The following IQGAP2 variants were observed in gnomAD, a reference collection of about 807,000 sequenced individuals.
IQGAP2 encodes the protein ras GTPase-activating-like protein IQGAP2.
In IQGAP2, 173 loss-of-function variants were observed where a neutral mutation model predicts 201.3. The observed-to-expected ratio is 0.86, with a 90% confidence interval of 0.76 to 0.98. The LOEUF is 0.98. IQGAP2 is among the 50% of genes least tolerant of loss of function. The pLI is 0.00. For synonymous variants in IQGAP2, 675 were observed against 673.9 expected (o/e 1.00, Z -0.03); for missense variants, 1,687 against 1,864.8 (o/e 0.90, Z 1.76).
chr5:76,649,447 A>G (rs1752339756), intron 17 of IQGAP2, among the ~76,000 whole-genome samples: 3 of 152,262 alleles, frequency 2.0e-5, no homozygotes. Flanking sequence ...AACCAAAAGG[A>G]AATGAAGAAA....
chr5:76,683,351 A>G (rs1745471012), intron 29 of IQGAP2, 134 bp downstream of exon 29: 3 of 587,430 alleles, frequency 5.1e-6, no homozygotes, highest in Non-Finnish European at 9.1e-6. Flanking sequence ...TTTAAAGAAT[A>G]ACAACTACAC....
chr5:76,550,619 G>T (rs1438191222), intron 2 of IQGAP2, among the ~76,000 whole-genome samples: 1 of 152,106 alleles, frequency 6.6e-6, no homozygotes, highest in Admixed American at 6.6e-5. Flanking sequence ...CCCTTAATCC[G>T]TTTAACTCTG....
chr5:76,404,432 C>T lies in IQGAP2; in HGVS notation c.46+841C>T, dbSNP rs1040752327. 5 of 983,526 alleles carry T rather than the reference C, an allele frequency of 5.1e-6. No homozygotes were observed. In the African/African-American group the frequency reaches 7.0e-5, roughly 14 times the overall value. 60.9% of individuals were successfully genotyped at this position (983,526 alleles called of 1,614,324 possible). A position where few individuals can be genotyped will look rare whatever the true frequency, so the allele number is the denominator to read the frequency against. On this transcript the variant is annotated intron_variant, in intron 1 of 35. Coordinates refer to ENST00000274364, the MANE Select transcript of IQGAP2 (RefSeq NM_006633.5). ...CAGGAAGCATTTCCTTTAAAACAAA[C>T]AGAAAGTTGGCCTGCTGTCTCTCCA...
chr5:76,597,376 G>C (rs1270033319), intron 9 of IQGAP2, 63 bp from the exon 10 acceptor site: 5 of 1,539,966 alleles, frequency 3.2e-6, no homozygotes. Context: ...AAGAAGGGCT[G>C]GTTGGGTGAG....
intron 28 of IQGAP2, among the ~76,000 whole-genome samples, chr5:76,678,105 G>A (rs891183836): frequency 1.3e-5 from 2 of 152,118 alleles, no homozygotes; most frequent in Admixed American, 6.6e-5. Flanking sequence ...TTTTCTGGGG[G>A]AAATGAGAAT....
At chr5:76,533,152 T>G (rs533246861) in intron 2 of IQGAP2, among the ~76,000 whole-genome samples, 20 of 152,246 alleles carry the variant, frequency 1.3e-4, no homozygotes, top group African/African-American at 4.8e-4. Context: ...ATCTCCTTTT[T>G]GAAGGGCAGA....
chr5:76,590,157 G>C (rs1458890021), intron 7 of IQGAP2, among the ~76,000 whole-genome samples: 1 of 152,224 alleles, frequency 6.6e-6, no homozygotes, highest in Non-Finnish European at 1.5e-5. Context: ...CATAGGGCTT[G>C]CTTCATTTTA....
intron 1 of IQGAP2, among the ~76,000 whole-genome samples, chr5:76,407,812 A>G (rs1480651846): frequency 2.6e-5 from 4 of 152,100 alleles, no homozygotes; most frequent in African/African-American, 9.7e-5. Context: ...CTACCCTCTT[A>G]CTACACAAGC....
At chr5:76,665,207 G>A in intron 22 of IQGAP2, 32 bp downstream of exon 22, 1 of 1,589,668 alleles carries the variant, frequency 6.3e-7, no homozygotes, top group South Asian at 1.1e-5. Context: ...CTCTGAGTTT[G>A]GGAGTAATAC....
rs771128027 is a variant in IQGAP2 at position 76,562,508 on chromosome 5, G to C, written c.259G>C (p.Val87Leu). Residue 87 changes from valine (V) to leucine (L), a missense_variant, in exon 3 of 36, where the codon GTA becomes CTA. Val to Leu is a conservative substitution (Grantham distance 32, BLOSUM62 1). Coordinates refer to ENST00000274364, the MANE Select transcript of IQGAP2 (RefSeq NM_006633.5). ...AGCCAAGTTCTTTGCCCCGAAAATGGTATCAGAGAAAAAGATCTATGATGT... is the reference window on the plus strand; with the variant it reads ...AGCCAAGTTCTTTGCCCCGAAAATGCTATCAGAGAAAAAGATCTATGATGT... ...KLAKFFAPKMVSEKKIYDVEQ... is the reference protein window; with the variant it reads ...KLAKFFAPKMLSEKKIYDVEQ... The C allele has an allele frequency of 1.9e-6, 3 of 1,613,972 alleles. No individual in the cohort carries two copies. The highest frequency in any genetic ancestry group is 8.5e-7 in the Non-Finnish European group (1 of 1,179,906).
chr5:76,440,808 C>T (rs1036955272), intron 1 of IQGAP2, among the ~76,000 whole-genome samples: 1 of 151,824 alleles, frequency 6.6e-6, no homozygotes, highest in Non-Finnish European at 1.5e-5. Context: ...CTGAGGCGGA[C>T]GGATCATGAA....
chr5:76,537,204 G>A (rs1161182815), intron 2 of IQGAP2, among the ~76,000 whole-genome samples: 1 of 152,214 alleles, frequency 6.6e-6, no homozygotes, highest in Non-Finnish European at 1.5e-5. Context: ...GCCAATGGAA[G>A]TTGACTTTGA....
At chr5:76,561,549 C>T (rs141241809) in intron 2 of IQGAP2, among the ~76,000 whole-genome samples, 2 of 152,260 alleles carry the variant, frequency 1.3e-5, no homozygotes, top group East Asian at 1.9e-4. Context: ...TGGGGGCTCC[C>T]TGCTGAGAAC....
rs111510879 is a variant in IQGAP2, at chr5:76,688,324, G to T, written c.3905+4407G>T. Among the ~76,000 whole-genome samples the T allele has an allele frequency of 2.8e-3, 421 of 152,292 alleles. 1 individual carries two copies. The highest frequency in any genetic ancestry group is 9.7e-3 in the African/African-American group (402 of 41,546). On this transcript the variant is annotated intron_variant, in intron 30 of 35. Transcript: ENST00000274364. The stretch of plus-strand genomic sequence containing the variant: ...AAATGCCCTTATGTTTAATTACAAT[G>T]TCACTAGTTTTCCAGTCATGAGTAA...
chr5:76,610,510 G>A (rs893824509), intron 12 of IQGAP2, among the ~76,000 whole-genome samples: 2 of 151,576 alleles, frequency 1.3e-5, no homozygotes, highest in African/African-American at 4.8e-5. Context: ...GGAGGTGGCA[G>A]TGAGCCAAGA....
chr5:76,543,679 T>G (rs888531340), intron 2 of IQGAP2, among the ~76,000 whole-genome samples: 1 of 152,266 alleles, frequency 6.6e-6, no homozygotes, highest in Admixed American at 6.5e-5. Context: ...TTTTCCTGAC[T>G]GGGCATAGTA....
chr5:76,524,941 C>T (rs1758883933), intron 2 of IQGAP2, among the ~76,000 whole-genome samples: 1 of 152,200 alleles, frequency 6.6e-6, no homozygotes, highest in South Asian at 2.1e-4. Context: ...AAATGCATGC[C>T]TTGTGCCAAT....
In IQGAP2 at chr5:76,664,569, G is replaced by A. The variant is rs373526100; in HGVS notation, c.2530-457G>A. Among the ~76,000 whole-genome samples, 36 of 152,238 alleles carry A rather than the reference G, an allele frequency of 2.4e-4. 1 individual carries two copies. The East Asian group carries it at 6.2e-3, about 26-fold the overall frequency. ...GTGGAGGCGCGTGCCTGTAGTTCCA[G>A]CTACTCAGGAGGCTGAGGCAGTGGA... On this transcript the variant is annotated intron_variant, in intron 21 of 35. Transcript: ENST00000274364.
intron 13 of IQGAP2, among the ~76,000 whole-genome samples, chr5:76,613,134 G>A (rs904209780): frequency 2.0e-5 from 3 of 152,182 alleles, no homozygotes; most frequent in African/African-American, 7.2e-5. Context: ...CTGTGGAATG[G>A]GTGCTGTCTC....
Sources: allele counts gnomAD v4.1 joint callset (sites outside exome capture counted in the v4.1 genomes callset), GRCh38; gene constraint gnomAD v4.1.1; transcripts MANE v1.5; gene names NCBI Gene and HGNC (gene_info 2026-07-23, HGNC 2026-07-21).